ASB3: variants seen among roughly 807,000 people sequenced by gnomAD.
ASB3 encodes ankyrin repeat and SOCS box containing 3.
In ASB3, 41 loss-of-function variants were observed where a neutral mutation model predicts 54.5. The ratio of observed to expected loss-of-function variants is 0.75; its 90% CI spans 0.59 to 0.98. The LOEUF is 0.98. Ranked by LOEUF, ASB3 falls within the 50% of genes least tolerant of loss-of-function variation. The pLI, the probability that ASB3 is intolerant of heterozygous loss-of-function variation, is 0.00. For synonymous variants in ASB3, 266 were observed against 221.2 expected, an observed-to-expected ratio of 1.20 and a Z score of -1.80; for missense variants, 733 against 620.0, an observed-to-expected ratio of 1.18 and a Z score of -1.94.
chr2:53,746,212 T>C (rs1364061409), intron 3 of ASB3, among the ~76,000 whole-genome samples: 1 of 152,070 alleles, frequency 6.6e-6, no homozygotes, highest in African/African-American at 2.4e-5. Flanking sequence ...GGAGGATAAC[T>C]TGAGCCCAAT....
chr2:53,767,772 G>T, intron 1 of ASB3: 1 of 1,286,372 alleles, frequency 7.8e-7, no homozygotes, highest in South Asian at 1.5e-5. Context: ...CGCCCCAAGT[G>T]GCCATCGCGC....
At chr2:53,745,148 T>C (rs1672155305) in intron 3 of ASB3, among the ~76,000 whole-genome samples, 2 of 152,178 alleles carry the variant, frequency 1.3e-5, no homozygotes. Flanking sequence ...ATTATAGCTA[T>C]CAACAAGAAT....
At chr2:53,724,013 C>G (rs897185785) in intron 5 of ASB3, among the ~76,000 whole-genome samples, 4 of 152,084 alleles carry the variant, frequency 2.6e-5, no homozygotes, top group Non-Finnish European at 5.9e-5. Context: ...AAACACTGTT[C>G]TGGACATCGG....
At chr2:53,752,890 C>T (rs1035169914) in intron 2 of ASB3, among the ~76,000 whole-genome samples, 67 of 152,128 alleles carry the variant, frequency 4.4e-4, no homozygotes, top group Admixed American at 3.7e-3. Flanking sequence ...GAGACCTAGA[C>T]CGATGTTACA....
chr2:53,725,755 C>T (rs1670959820), intron 5 of ASB3, among the ~76,000 whole-genome samples: 2 of 152,150 alleles, frequency 1.3e-5, no homozygotes, highest in South Asian at 2.1e-4. Context: ...TTTATGTACG[C>T]AAAAACTACA....
chr2:53,703,200 T>C (rs919689606), intron 7 of ASB3, among the ~76,000 whole-genome samples: 21 of 152,228 alleles, frequency 1.4e-4, no homozygotes, highest in African/African-American at 5.1e-4. Flanking sequence ...AATCTTTTTC[T>C]TATATTTCCT....
At chr2:53,761,286 T>A (rs1413901463) in intron 2 of ASB3, among the ~76,000 whole-genome samples, 1 of 152,096 alleles carries the variant, frequency 6.6e-6, no homozygotes, top group East Asian at 1.9e-4. Flanking sequence ...AATAGTCAAA[T>A]CATATATCGC....
intron 1 of ASB3, among the ~76,000 whole-genome samples, chr2:53,766,097 T>C (rs997499830): frequency 6.6e-6 from 1 of 152,196 alleles, no homozygotes; most frequent in African/African-American, 2.4e-5. Context: ...ATAGGTGTCA[T>C]TCTAGTCTTC....
chr2:53,697,821 C>T (rs1468104996), intron 8 of ASB3, among the ~76,000 whole-genome samples: 1 of 152,206 alleles, frequency 6.6e-6, no homozygotes, highest in Non-Finnish European at 1.5e-5. Context: ...TGAGCCTCCA[C>T]TACCTCAGGA....
At chr2:53,702,637 CAG>C (rs1334816551) in intron 7 of ASB3, among the ~76,000 whole-genome samples, 1 of 152,118 alleles carries the variant, frequency 6.6e-6, no homozygotes, top group Non-Finnish European at 1.5e-5. Context: ...TGAACAACAT[CAG>C]ATACTGAGAG....
intron 5 of ASB3, among the ~76,000 whole-genome samples, chr2:53,718,940 G>C (rs1193651709): frequency 6.6e-6 from 1 of 151,958 alleles, no homozygotes; most frequent in African/African-American, 2.4e-5. Flanking sequence ...TTTTATTTTT[G>C]AGACTGAGTC....
At chr2:53,713,947 A>C (rs1004900675) in intron 7 of ASB3, among the ~76,000 whole-genome samples, 6 of 152,192 alleles carry the variant, frequency 3.9e-5, no homozygotes, top group African/African-American at 1.4e-4. Context: ...CTATCCACCA[A>C]ATACATTAAA....
intron 2 of ASB3, among the ~76,000 whole-genome samples, chr2:53,765,064 A>G (rs1005210894): frequency 1.3e-5 from 2 of 152,230 alleles, no homozygotes; most frequent in Non-Finnish European, 2.9e-5. Flanking sequence ...GTAAAGGAAG[A>G]AAGAATAAAC....
At chr2:53,718,795 C>A (rs766951939) in intron 5 of ASB3, among the ~76,000 whole-genome samples, 2 of 151,840 alleles carry the variant, frequency 1.3e-5, no homozygotes, top group African/African-American at 2.4e-5. Context: ...AAAGACCCAT[C>A]CATCTGCTGC....
chr2:53,759,439 C>T (rs929280768), intron 2 of ASB3, among the ~76,000 whole-genome samples: 2 of 152,202 alleles, frequency 1.3e-5, no homozygotes, highest in Non-Finnish European at 2.9e-5. Context: ...AAGTTTATCA[C>T]TCAGTCAGCT....
intron 7 of ASB3, among the ~76,000 whole-genome samples, chr2:53,707,651 A>C (rs1337730715): frequency 5.3e-5 from 8 of 150,096 alleles, no homozygotes; most frequent in African/African-American, 2.0e-4. Flanking sequence ...CGTCTCAAAA[A>C]AAAAAAAAAA....
chr2:53,732,003 G>C (rs1017675767), intron 3 of ASB3, among the ~76,000 whole-genome samples: 2 of 151,454 alleles, frequency 1.3e-5, no homozygotes, highest in Admixed American at 1.3e-4. Context: ...TGTCACCCAG[G>C]CTGGAGTGCA....
intron 9 of ASB3, 85 bp from the exon 10 acceptor site, chr2:53,670,775 C>T (rs1667770465): frequency 1.4e-6 from 2 of 1,427,878 alleles, no homozygotes; most frequent in African/African-American, 1.4e-5. Context: ...TTTCCCCCAA[C>T]TCTTAGTAAT....
At chr2:53,694,540 G>GT (rs1330407703) in intron 8 of ASB3, 3 of 152,154 alleles carry the variant, frequency 2.0e-5, no homozygotes, top group African/African-American at 2.4e-5. Context: ...CCTAAACGAT[G>GT]TAACAGAATA....
Sources: allele counts gnomAD v4.1 joint callset (sites outside exome capture counted in the v4.1 genomes callset), GRCh38; gene constraint gnomAD v4.1.1; transcripts MANE v1.5; gene names NCBI Gene and HGNC (gene_info 2026-07-23, HGNC 2026-07-21).